RALGPS1: variants seen among roughly 807,000 people sequenced by gnomAD.
RALGPS1 encodes Ral GEF with PH domain and SH3 binding motif 1.
RALGPS1 carries 19 observed loss-of-function variants against 78.8 expected under a neutral mutation model. That is an observed-to-expected ratio of 0.24 (90% CI 0.17 to 0.35). The LOEUF (loss-of-function observed/expected upper bound fraction) is 0.35, where lower values mean the gene tolerates loss of function less well. Among genes scored for constraint, RALGPS1 ranks in the 10% least tolerant of loss-of-function variants. The pLI, the probability that RALGPS1 is intolerant of heterozygous loss-of-function variation, is 1.00. For synonymous variants in RALGPS1, 228 were observed against 256.3 expected (o/e 0.89, Z 1.06); for missense variants, 454 against 688.3 (o/e 0.66, Z 3.81).
At position 127,109,438 on chromosome 9, in the gene RALGPS1, G is replaced by A. The variant is rs190810318; in HGVS notation, c.610+40082G>A. On this transcript the variant is annotated intron_variant, in intron 8 of 18. Transcript: ENST00000259351. ...GGTTTAGTGGACAATATCAGTGGAAGGATGTGTCCAGTTACGTGGCTCTGG... is the reference window on the plus strand; with the variant it reads ...GGTTTAGTGGACAATATCAGTGGAAAGATGTGTCCAGTTACGTGGCTCTGG... 5.3e-5 allele frequency among the ~76,000 whole-genome samples: 8 copies of A among 152,344 alleles called. No individual in the cohort carries two copies. In the East Asian group the frequency reaches 7.7e-4, roughly 15 times the overall value.
At chr9:127,037,430 A>G (rs971968222) in intron 5 of RALGPS1, among the ~76,000 whole-genome samples, 1 of 152,246 alleles carries the variant, frequency 6.6e-6, no homozygotes, top group Non-Finnish European at 1.5e-5. Context: ...AATGTTTCCA[A>G]CTTGTCTCAT....
intron 8 of RALGPS1, among the ~76,000 whole-genome samples, chr9:127,160,546 A>T (rs1030166435): frequency 2.0e-5 from 3 of 152,142 alleles, no homozygotes; most frequent in African/African-American, 7.2e-5. Flanking sequence ...ATGGTCTGGG[A>T]TCTGTCTCAG....
At chr9:127,115,122 C>T (rs2055262049) in intron 8 of RALGPS1, among the ~76,000 whole-genome samples, 1 of 152,162 alleles carries the variant, frequency 6.6e-6, no homozygotes, top group African/African-American at 2.4e-5. Flanking sequence ...CTTAATAGCT[C>T]TATGAGTAGG....
intron 1 of RALGPS1, among the ~76,000 whole-genome samples, chr9:126,919,338 C>G (rs548426888): frequency 1.3e-5 from 2 of 152,270 alleles, no homozygotes; most frequent in South Asian, 4.1e-4. Flanking sequence ...CAAGAGACAT[C>G]CTTTGTCCTA....
intron 4 of RALGPS1, among the ~76,000 whole-genome samples, chr9:126,997,854 G>A (rs1222870206): frequency 6.6e-6 from 1 of 152,152 alleles, no homozygotes; most frequent in Admixed American, 6.5e-5. Flanking sequence ...AGAGCCCTCA[G>A]AAACAATGCT....
intron 8 of RALGPS1, chr9:127,093,632 G>A: frequency 3.5e-6 from 5 of 1,416,332 alleles, no homozygotes; most frequent in Non-Finnish European, 4.9e-6. Flanking sequence ...GGCTTGGTCA[G>A]CATGTACCTC....
At chr9:127,184,981 C>T (rs1050292974) in intron 11 of RALGPS1, among the ~76,000 whole-genome samples, 1 of 152,336 alleles carries the variant, frequency 6.6e-6, no homozygotes, top group South Asian at 2.1e-4. Flanking sequence ...GGGAACGAGG[C>T]TTCCCATCCC....
rs2062192085 is a variant in RALGPS1 at position 127,210,600 on chromosome 9, AG to A, written c.1248-1530del. ...GGAGGTTGCTCTGCGGGACTTCCTG[AG>A]CTAATTGACTATGTTGTCGGGGTGC... On this transcript the variant is annotated intron_variant, in intron 14 of 18. Transcript: ENST00000259351. 4 of 918,272 alleles carry A rather than the reference AG, an allele frequency of 4.4e-6. No individual in the cohort carries two copies. In the Admixed American group the frequency reaches 8.5e-5, roughly 20 times the overall value. 56.9% of individuals were successfully genotyped at this position (918,272 alleles called of 1,614,324 possible). A position where few individuals can be genotyped will look rare whatever the true frequency, so the allele number is the denominator to read the frequency against.
rs1477407589 is a variant in RALGPS1, at chr9:127,212,235, C to T, written c.1352C>T (p.Ala451Val). Residue 451 changes from alanine (A) to valine (V), a missense_variant and splice_region_variant, in exon 15 of 19, where the codon GCG becomes GTG. Ala to Val is a moderately conservative substitution (Grantham distance 64, BLOSUM62 0). Coordinates refer to ENST00000259351, the MANE Select transcript of RALGPS1 (RefSeq NM_014636.3). The surrounding 1 kb of genome is among the most constrained non-coding windows in gnomAD (Gnocchi z 6.0). The part of the protein sequence containing the change: ...KTLLKEGRKP[A>V]LSSWTRYWVI... ...CTGCTCAAGGAAGGGCGGAAGCCTG[C>T]GGTAAGTACAGACCCACATCCACCG... 5.6e-6 allele frequency: 9 copies of T among 1,609,712 alleles called. No homozygotes were observed. Among genetic ancestry groups the T allele is most frequent in the African/African-American group, 1.3e-5 (1 of 74,792 alleles).
At chr9:127,004,852 G>A (rs1201178247) in intron 4 of RALGPS1, among the ~76,000 whole-genome samples, 2 of 152,144 alleles carry the variant, frequency 1.3e-5, no homozygotes, top group Non-Finnish European at 1.5e-5. Context: ...TAAGGGAGAG[G>A]GGACCTTATT....
intron 8 of RALGPS1, among the ~76,000 whole-genome samples, chr9:127,130,996 A>T (rs1051076795): frequency 1.3e-5 from 2 of 152,168 alleles, no homozygotes; most frequent in African/African-American, 4.8e-5. Flanking sequence ...TATTCTTGTT[A>T]TGTTTCTGCA....
chr9:127,011,429 TG>T (rs759259104), intron 4 of RALGPS1, among the ~76,000 whole-genome samples: 3 of 152,152 alleles, frequency 2.0e-5, no homozygotes, highest in Non-Finnish European at 2.9e-5. Flanking sequence ...TCCGCCGCCT[TG>T]GACTCCCGTA....
intron 9 of RALGPS1, among the ~76,000 whole-genome samples, chr9:127,168,281 A>G (rs920704713): frequency 6.6e-6 from 1 of 152,166 alleles, no homozygotes; most frequent in African/African-American, 2.4e-5. Flanking sequence ...TAGATATAGG[A>G]GGCTTGCCCA....
intron 1 of RALGPS1, among the ~76,000 whole-genome samples, chr9:126,943,879 C>G (rs923730595): frequency 6.6e-6 from 1 of 152,154 alleles, no homozygotes. Context: ...CAACAAGGCC[C>G]AATAATGTAA....
At chr9:127,112,081 C>A (rs549038841) in intron 8 of RALGPS1, among the ~76,000 whole-genome samples, 1 of 152,290 alleles carries the variant, frequency 6.6e-6, no homozygotes, top group African/African-American at 2.4e-5. Flanking sequence ...ACCCTGTGCT[C>A]CCTGGGGCCT....
At chr9:127,135,474 GT>G (rs2057328870) in intron 8 of RALGPS1, among the ~76,000 whole-genome samples, 1 of 144,770 alleles carries the variant, frequency 6.9e-6, no homozygotes, top group Non-Finnish European at 1.5e-5. Context: ...CCAGGGACAT[GT>G]GCCCCTGTGG....
intron 14 of RALGPS1, among the ~76,000 whole-genome samples, chr9:127,208,514 C>T (rs1435542401): frequency 2.0e-5 from 3 of 152,222 alleles, no homozygotes; most frequent in African/African-American, 4.8e-5. Flanking sequence ...CAAGCAGATT[C>T]ACATCACTGA....
intron 14 of RALGPS1, among the ~76,000 whole-genome samples, chr9:127,209,316 G>A (rs898631749): frequency 6.6e-6 from 1 of 152,250 alleles, no homozygotes; most frequent in Admixed American, 6.5e-5. Flanking sequence ...CCCAGCATGT[G>A]GTGCCGGTAA....
chr9:126,916,972 C>G (rs2119441887), intron 1 of RALGPS1, among the ~76,000 whole-genome samples: 1 of 152,274 alleles, frequency 6.6e-6, no homozygotes, highest in East Asian at 1.9e-4. Context: ...GTTGACCAGT[C>G]CAAACTGTAA....
Sources: gnomAD v4.1 joint callset for allele counts (sites outside exome capture counted in the v4.1 genomes callset) on GRCh38, gnomAD v4.1.1 for gene constraint, Gnocchi (gnomAD v3.1) non-coding constraint, MANE v1.5 for transcripts, NCBI Gene and HGNC (gene_info 2026-07-23, HGNC 2026-07-21) for gene names.